The following DLG1 variants were observed in gnomAD, a reference collection of about 807,000 sequenced individuals.
DLG1 encodes disks large homolog 1.
A neutral mutation model predicts 123.4 loss-of-function variants in DLG1; 42 were observed. That is an observed-to-expected ratio of 0.34 (90% CI 0.27 to 0.44). The LOEUF is 0.44. Ranked by LOEUF, DLG1 falls within the 20% of genes least tolerant of loss-of-function variation. DLG1 has a pLI of 1.00. For synonymous variants in DLG1, 317 were observed against 356.2 expected (o/e 0.89, Z 1.24); for missense variants, 942 against 1,082.6 (o/e 0.87, Z 1.82).
chr3:197,162,628 C>A (rs933877281), intron 5 of DLG1, among the ~76,000 whole-genome samples: 1 of 152,080 alleles, frequency 6.6e-6, no homozygotes. Flanking sequence ...GGAGTCTCTT[C>A]AACAATGGTG....
intron 5 of DLG1, among the ~76,000 whole-genome samples, chr3:197,175,057 A>T (rs1383244820): frequency 6.6e-6 from 1 of 152,204 alleles, no homozygotes; most frequent in Non-Finnish European, 1.5e-5. Flanking sequence ...GAGGAGGGAA[A>T]ATCTTTTAAA....
Position 197,134,472 on chromosome 3 carries a change from CAAAAAAAAA to C in DLG1, c.1020+2061_1020+2069del, listed in dbSNP as rs11319273. Among the ~76,000 whole-genome samples the C allele has an allele frequency of 6.3e-4, 61 of 96,574 alleles. 1 individual carries two copies. Among genetic ancestry groups the C allele is most frequent in the African/African-American group, 2.3e-3 (60 of 25,910 alleles). The allele number at this position is 96,574 out of a possible 152,430, so 63.4% of individuals were successfully genotyped here. ...TTCCCAGGAAAATTATTCATAATAC[CAAAAAAAAA>C]AAAAAAAAAAAAAGACTTAAAATAG... On this transcript the variant is annotated intron_variant, in intron 10 of 24. Coordinates refer to ENST00000667157, the MANE Select transcript of DLG1 (RefSeq NM_001366207.1).
chr3:197,075,901 A>AT, intron 18 of DLG1: 2 of 1,602,348 alleles, frequency 1.2e-6, no homozygotes, highest in Non-Finnish European at 1.7e-6. Context: ...AGAGCAAGCA[A>AT]TAAAAAGATA....
At chr3:197,214,505 G>A (rs998175720) in intron 4 of DLG1, among the ~76,000 whole-genome samples, 3 of 151,990 alleles carry the variant, frequency 2.0e-5, no homozygotes, top group African/African-American at 4.8e-5. Flanking sequence ...CCCAGGAGGC[G>A]GAGCTTGTAG....
intron 4 of DLG1, among the ~76,000 whole-genome samples, chr3:197,273,863 A>AAAAAC: frequency 6.6e-6 from 1 of 150,572 alleles, no homozygotes; most frequent in Admixed American, 6.6e-5. Flanking sequence ...AAAAAAAAAA[A>AAAAAC]AACCAAAACA....
intron 4 of DLG1, among the ~76,000 whole-genome samples, chr3:197,231,370 A>G (rs1288906365): frequency 6.6e-6 from 1 of 152,204 alleles, no homozygotes; most frequent in East Asian, 1.9e-4. Context: ...AAGTTGATTT[A>G]GCAAAAATAC....
chr3:197,271,935 G>A (rs1202114683), intron 4 of DLG1, among the ~76,000 whole-genome samples: 1 of 152,166 alleles, frequency 6.6e-6, no homozygotes, highest in Non-Finnish European at 1.5e-5. Context: ...GAGGATACGA[G>A]CCACCTAAGA....
intron 12 of DLG1, among the ~76,000 whole-genome samples, chr3:197,118,518 G>C (rs1225785952): frequency 2.0e-5 from 3 of 152,108 alleles, no homozygotes; most frequent in African/African-American, 7.2e-5. Flanking sequence ...CTAGAATCAG[G>C]AGTCTGATAA....
At chr3:197,289,220 A>G (rs1375114256) in intron 3 of DLG1, among the ~76,000 whole-genome samples, 4 of 152,246 alleles carry the variant, frequency 2.6e-5, no homozygotes, top group Non-Finnish European at 5.9e-5. Context: ...AATTTTAACT[A>G]GATGAGGTTT....
intron 12 of DLG1, among the ~76,000 whole-genome samples, chr3:197,116,683 A>C (rs539358718): frequency 6.6e-6 from 1 of 152,140 alleles, no homozygotes; most frequent in African/African-American, 2.4e-5. Context: ...CCTCAAAAAA[A>C]CGAAACAAAA....
chr3:197,046,084 C>T (rs1390033695), intron 24 of DLG1, among the ~76,000 whole-genome samples: 1 of 152,216 alleles, frequency 6.6e-6, no homozygotes, highest in Non-Finnish European at 1.5e-5. Context: ...TAAATGCAGA[C>T]ATGCCTCAAT....
At chr3:197,168,264 T>C (rs1447410317) in intron 5 of DLG1, among the ~76,000 whole-genome samples, 2 of 152,208 alleles carry the variant, frequency 1.3e-5, no homozygotes, top group South Asian at 2.1e-4. Flanking sequence ...TTGAAGAACA[T>C]AGGCCCCTGC....
chr3:197,262,979 C>A lies in DLG1; in HGVS notation c.318+19700G>T, dbSNP rs1331609226. 2.6e-5 allele frequency among the ~76,000 whole-genome samples: 4 copies of A among 152,256 alleles called. No individual in the cohort carries two copies. The South Asian group carries it at 8.3e-4, about 32-fold the overall frequency. On this transcript the variant is annotated intron_variant, in intron 4 of 24. Coordinates refer to ENST00000667157, the MANE Select transcript of DLG1 (RefSeq NM_001366207.1). ...TGAGTACTCCCTTTTCCCCACCCCA[C>A]CCCTGCAATTATCATTTGCTCCCAA...
chr3:197,284,108 G>A (rs13067147), intron 3 of DLG1, among the ~76,000 whole-genome samples: 43,632 of 151,836 alleles, frequency 0.29, 7,496 homozygotes, highest in East Asian at 0.71. Context: ...TGATCTGCCC[G>A]CTTCAGGCTC....
intron 4 of DLG1, among the ~76,000 whole-genome samples, chr3:197,198,061 C>T (rs778720884): frequency 1.3e-5 from 2 of 151,860 alleles, no homozygotes; most frequent in Non-Finnish European, 2.9e-5. Flanking sequence ...ATTAGGAAAT[C>T]GTATCTTGGA....
chr3:197,198,331 T>C (rs1381555572), intron 4 of DLG1, among the ~76,000 whole-genome samples: 1 of 151,732 alleles, frequency 6.6e-6, no homozygotes, highest in African/African-American at 2.4e-5. Context: ...CTACTCAAAA[T>C]ACAAAAATTA....
intron 4 of DLG1, among the ~76,000 whole-genome samples, chr3:197,234,762 G>C (rs1745072795): frequency 6.6e-6 from 1 of 151,998 alleles, no homozygotes; most frequent in African/African-American, 2.4e-5. Context: ...TGTTAATAGA[G>C]GTAAGATATG....
Position 197,296,452 on chromosome 3 carries a change from C to T in DLG1, c.45G>A (p.Leu15=). 1 of 1,613,612 alleles carries T rather than the reference C, an allele frequency of 6.2e-7. No homozygotes were observed. The highest frequency in any genetic ancestry group is 1.3e-5 in the African/African-American group (1 of 74,972). The change falls in exon 3 of 25, where the codon TTG becomes TTA. Residue 15 remains leucine (L), a synonymous_variant. Transcript: ENST00000667157. ...GGCTTAGTTTTGAACGATATTCCTC[C>T]AAAAGGTGCAATGCTCTCTGGGTAT... ...KQDTQRALHL[L]EEYRSKLSQT...
At chr3:197,163,864 G>A (rs918752249) in intron 5 of DLG1, among the ~76,000 whole-genome samples, 4 of 151,730 alleles carry the variant, frequency 2.6e-5, no homozygotes, top group Non-Finnish European at 5.9e-5. Flanking sequence ...AATCATGCTA[G>A]AAGATGGATG....
Sources: allele counts gnomAD v4.1 joint callset (sites outside exome capture counted in the v4.1 genomes callset), GRCh38; gene constraint gnomAD v4.1.1; transcripts MANE v1.5; gene names NCBI Gene and HGNC (gene_info 2026-07-23, HGNC 2026-07-21).